EYA4: variants seen among roughly 807,000 people sequenced by gnomAD.
The protein encoded by EYA4 is protein phosphatase EYA4.
EYA4 carries 31 observed loss-of-function variants against 87.9 expected under a neutral mutation model. The observed-to-expected ratio is 0.35, with a 90% CI of 0.27 to 0.48. The LOEUF (loss-of-function observed/expected upper bound fraction) is 0.48, where lower values mean the gene tolerates loss of function less well. Ranked by LOEUF, EYA4 falls within the 20% of genes least tolerant of loss-of-function variation. The pLI is 0.99. For missense variants in EYA4, 678 were observed against 761.4 expected, an observed-to-expected ratio of 0.89 and a Z score of 1.29; for synonymous variants, 263 against 270.6, an observed-to-expected ratio of 0.97 and a Z score of 0.28.
At chr6:133,248,687 T>C (rs1307762865) in intron 1 of EYA4, 1 of 152,224 alleles carries the variant, frequency 6.6e-6, no homozygotes, top group Non-Finnish European at 1.5e-5. Flanking sequence ...TGAATGCAAA[T>C]GTATATTCAT....
intron 2 of EYA4, among the ~76,000 whole-genome samples, chr6:133,356,049 AAGAGAGAAAG>A (rs201985708): frequency 0.099 from 12,731 of 128,766 alleles, 851 homozygotes; most frequent in African/African-American, 0.27. Context: ...GAAAGAGAGA[AAGAGAGAAAG>A]AGAGAGAGAG....
intron 3 of EYA4, among the ~76,000 whole-genome samples, chr6:133,402,216 A>G (rs1309246814): frequency 2.0e-5 from 3 of 152,116 alleles, no homozygotes; most frequent in Non-Finnish European, 4.4e-5. Context: ...GTAGAATTGT[A>G]AAATTAACAC....
At chr6:133,420,013 G>C (rs551266285) in intron 3 of EYA4, among the ~76,000 whole-genome samples, 4 of 152,220 alleles carry the variant, frequency 2.6e-5, no homozygotes, top group Admixed American at 2.6e-4. Flanking sequence ...TAAAATGGAA[G>C]GAGTACATTT....
Position 133,380,826 on chromosome 6 carries a change from G to A in EYA4, c.34-1566G>A, listed in dbSNP as rs1926092. Among the ~76,000 whole-genome samples, 8 of 148,154 alleles carry A rather than the reference G, an allele frequency of 5.4e-5. 1 individual carries two copies. The highest frequency in any genetic ancestry group is 3.4e-4 in the Admixed American group (5 of 14,592). ...ACCCTTTCCCCTTTTCTCCTCCTAC[G>A]CCTTATTCCTCTTCCTCCTCCTCCT... is the stretch of plus-strand genomic sequence containing the variant. On this transcript the variant is annotated intron_variant, in intron 2 of 19. Coordinates refer to ENST00000355286, the MANE Select transcript of EYA4 (RefSeq NM_004100.5).
intron 2 of EYA4, among the ~76,000 whole-genome samples, chr6:133,316,880 T>C (rs570775888): frequency 6.6e-6 from 1 of 152,310 alleles, no homozygotes; most frequent in South Asian, 2.1e-4. Context: ...CCCTGGGTCC[T>C]AGTGGCTTAC....
chr6:133,490,385 A>T (rs1403449301), intron 13 of EYA4, among the ~76,000 whole-genome samples: 5 of 142,890 alleles, frequency 3.5e-5, no homozygotes, highest in Non-Finnish European at 7.4e-5. Context: ...GAATAGATTA[A>T]AAAAAAACAA....
rs753221348 is a variant in EYA4, at chr6:133,468,539, A to C, written c.805-27A>C. ...TATTAAAGAGTAATTTCTCTTTCAA[A>C]CACACACATCTCAATTATTGTTTCA... On this transcript the variant is annotated intron_variant, in intron 10 of 19. Transcript: ENST00000355286. 5.7e-6 allele frequency: 9 copies of C among 1,571,808 alleles called. No homozygotes were observed. In the Admixed American group the frequency reaches 1.3e-4, roughly 23 times the overall value.
At chr6:133,478,920 G>C (rs1251387865) in intron 11 of EYA4, among the ~76,000 whole-genome samples, 1 of 152,118 alleles carries the variant, frequency 6.6e-6, no homozygotes, top group African/African-American at 2.4e-5. Flanking sequence ...AACCACCCAT[G>C]ACTGGGGTTC....
intron 3 of EYA4, among the ~76,000 whole-genome samples, chr6:133,399,117 C>G (rs777095263): frequency 6.6e-6 from 1 of 152,162 alleles, no homozygotes; most frequent in Non-Finnish European, 1.5e-5. Flanking sequence ...AAATTCAGGT[C>G]AGCATGCAAA....
intron 3 of EYA4, among the ~76,000 whole-genome samples, chr6:133,443,966 C>T (rs1402330576): frequency 6.6e-6 from 1 of 152,182 alleles, no homozygotes; most frequent in Non-Finnish European, 1.5e-5. Context: ...GATAGATGTT[C>T]CATGTGCACT....
chr6:133,272,738 T>C (rs899767973), intron 1 of EYA4, among the ~76,000 whole-genome samples: 2 of 152,204 alleles, frequency 1.3e-5, no homozygotes, highest in Non-Finnish European at 2.9e-5. Flanking sequence ...CTGGATCATA[T>C]GGCCCAAGTG....
intron 5 of EYA4, among the ~76,000 whole-genome samples, chr6:133,452,670 T>TA (rs1403577747): frequency 6.6e-6 from 1 of 151,978 alleles, no homozygotes; most frequent in African/African-American, 2.4e-5. Context: ...TTTTTAAAGC[T>TA]AAAAAAATGG....
intron 2 of EYA4, among the ~76,000 whole-genome samples, chr6:133,318,840 A>G (rs932416322): frequency 1.3e-5 from 2 of 152,058 alleles, no homozygotes; most frequent in East Asian, 1.9e-4. Context: ...TGTGTTTTCT[A>G]CTTTCTTCTT....
At chr6:133,441,084 C>A (rs1470759066) in intron 3 of EYA4, among the ~76,000 whole-genome samples, 5 of 151,788 alleles carry the variant, frequency 3.3e-5, no homozygotes, top group African/African-American at 9.7e-5. Flanking sequence ...ATTACTTATT[C>A]CAATATTATT....
At chr6:133,424,450 C>T (rs891408775) in intron 3 of EYA4, among the ~76,000 whole-genome samples, 9 of 152,278 alleles carry the variant, frequency 5.9e-5, no homozygotes, top group Non-Finnish European at 1.0e-4. Flanking sequence ...GCCCCAACCC[C>T]TGCTCTGATC....
intron 2 of EYA4, among the ~76,000 whole-genome samples, chr6:133,357,451 G>A (rs1039773809): frequency 1.9e-4 from 29 of 152,094 alleles, no homozygotes; most frequent in African/African-American, 4.3e-4. Flanking sequence ...CTGTAGAGAG[G>A]TGAATTGTTT....
At chr6:133,395,001 A>C (rs1012795843) in intron 3 of EYA4, among the ~76,000 whole-genome samples, 9 of 152,206 alleles carry the variant, frequency 5.9e-5, no homozygotes, top group Non-Finnish European at 1.3e-4. Flanking sequence ...AACATTTTAG[A>C]ATTATTTATA....
chr6:133,531,123 C>A lies in EYA4; in HGVS notation c.*2318C>A. The A allele has an allele frequency of 6.6e-7, 1 of 1,516,762 alleles. No homozygotes were observed. Among genetic ancestry groups the A allele is most frequent in the Non-Finnish European group, 8.8e-7 (1 of 1,136,352 alleles). The allele number at this position is 1,516,762 out of a possible 1,614,324, so 94.0% of individuals were successfully genotyped here. ...AGTCTGTGGGTGCAGAAAGAAACAC[C>A]CCTTGGAAGGGCAAAGAGAAGCCGG... On this transcript the variant is annotated 3_prime_UTR_variant, in exon 20 of 20. Coordinates refer to ENST00000355286, the MANE Select transcript of EYA4 (RefSeq NM_004100.5).
At position 133,402,721 on chromosome 6, in the gene EYA4, T is replaced by TACACACAC. The variant is rs66487611; in HGVS notation, c.83+20294_83+20301dup. The stretch of plus-strand genomic sequence containing the variant: ...TGTGCAATATAAAGATGAAATGTGA[T>TACACACAC]ACACACACACACACACACACAGCCA... On this transcript the variant is annotated intron_variant, in intron 3 of 19. Transcript: ENST00000355286. Among the ~76,000 whole-genome samples the TACACACAC allele has an allele frequency of 1.7e-4, 25 of 148,264 alleles. No individual in the cohort carries two copies. The South Asian group carries it at 3.0e-3, about 18-fold the overall frequency.
Sources: allele counts gnomAD v4.1 joint callset (sites outside exome capture counted in the v4.1 genomes callset), GRCh38; gene constraint gnomAD v4.1.1; transcripts MANE v1.5; gene names NCBI Gene and HGNC (gene_info 2026-07-23, HGNC 2026-07-21).